Variants in BCAS3 observed in about 807,000 individuals in gnomAD.
BCAS3 encodes BCAS4/BCAS3 fusion.
Under a neutral mutation model 116.1 loss-of-function variants are expected in BCAS3, and 53 were observed. That is an observed-to-expected ratio of 0.46 (90% confidence interval 0.37 to 0.57). The LOEUF is 0.57. Ranked by LOEUF, BCAS3 falls within the 20% of genes least tolerant of loss-of-function variation. The pLI is 0.00. For missense variants in BCAS3, 917 were observed against 1,165.4 expected (o/e 0.79, Z 3.10); for synonymous variants, 391 against 408.2 (o/e 0.96, Z 0.51).
intron 22 of BCAS3, among the ~76,000 whole-genome samples, chr17:61,293,386 C>G (rs934131650): frequency 3.3e-5 from 5 of 152,140 alleles, no homozygotes; most frequent in African/African-American, 9.7e-5. Flanking sequence ...CTCCCTCACC[C>G]CAGTTTGAAA....
intron 6 of BCAS3, among the ~76,000 whole-genome samples, chr17:60,764,244 A>T (rs1425967319): frequency 6.7e-6 from 1 of 149,956 alleles, no homozygotes; most frequent in Non-Finnish European, 1.5e-5. Context: ...CTAGCTTTTG[A>T]ATGTGTTTGC....
chr17:61,155,398 A>G (rs2077774484), intron 22 of BCAS3, among the ~76,000 whole-genome samples: 1 of 152,034 alleles, frequency 6.6e-6, no homozygotes, highest in South Asian at 2.1e-4. Context: ...TTATTGTTTT[A>G]TCAACAGAAG....
At chr17:61,191,243 G>A (rs2080094015) in intron 22 of BCAS3, among the ~76,000 whole-genome samples, 1 of 152,162 alleles carries the variant, frequency 6.6e-6, no homozygotes, top group Admixed American at 6.5e-5. Context: ...TCCAACCTGG[G>A]TGCCAGAGTG....
At chr17:61,266,055 G>T (rs2049672255) in intron 22 of BCAS3, among the ~76,000 whole-genome samples, 1 of 152,124 alleles carries the variant, frequency 6.6e-6, no homozygotes, top group South Asian at 2.1e-4. Flanking sequence ...TGTGGTCAGG[G>T]TCAGTTATTC....
At chr17:60,794,399 T>G (rs1289961461) in intron 6 of BCAS3, among the ~76,000 whole-genome samples, 1 of 152,210 alleles carries the variant, frequency 6.6e-6, no homozygotes, top group African/African-American at 2.4e-5. Flanking sequence ...GCGAAAGCTC[T>G]TTAGTTTAAT....
At position 61,066,541 on chromosome 17, in the gene BCAS3, A is replaced by AT. The variant is rs531180613; in HGVS notation, c.2030-8372dup. 1.7e-3 allele frequency among the ~76,000 whole-genome samples: 260 copies of AT among 152,206 alleles called. 1 individual carries two copies. Among genetic ancestry groups the AT allele is most frequent in the African/African-American group, 5.5e-3 (227 of 41,544 alleles). ...ATAAACTTCATTTTTACAAGGTCTA[A>AT]TTTTTTTCCTGAGTATCTTAAACCA... is the stretch of plus-strand genomic sequence containing the variant. On this transcript the variant is annotated intron_variant, in intron 19 of 23. Transcript: ENST00000407086.
At chr17:60,705,512 C>CAAAAAAAAAAAAAA (rs1033436210) in intron 4 of BCAS3, among the ~76,000 whole-genome samples, 1 of 61,858 alleles carries the variant, frequency 1.6e-5, no homozygotes, top group Non-Finnish European at 3.9e-5. Context: ...AGACTTGTCT[C>CAAAAAAAAAAAAAA]AAAAAAAAAA....
At chr17:61,382,896 C>G (rs376991146) in intron 23 of BCAS3, 1 of 152,412 alleles carries the variant, frequency 6.6e-6, no homozygotes, top group Non-Finnish European at 1.5e-5. Flanking sequence ...GGCAGGAGGC[C>G]GAGGGGCAGA....
intron 5 of BCAS3, among the ~76,000 whole-genome samples, chr17:60,740,404 G>A (rs2041418939): frequency 6.6e-6 from 1 of 151,170 alleles, no homozygotes; most frequent in African/African-American, 2.4e-5. Context: ...AGGCTGAGGT[G>A]GGAGAATCAC....
In BCAS3 at chr17:61,323,885, G is replaced by A. The variant is rs1027774912; in HGVS notation, c.2426-44442G>A. Among the ~76,000 whole-genome samples the A allele has an allele frequency of 6.6e-6, 1 of 152,236 alleles. No individual in the cohort carries two copies. Among genetic ancestry groups the A allele is most frequent in the African/African-American group, 2.4e-5 (1 of 41,464 alleles). On this transcript the variant is annotated intron_variant, in intron 22 of 23. Coordinates refer to ENST00000407086, the MANE Select transcript of BCAS3 (RefSeq NM_017679.5). This position sits in a 1 kb window ranked among gnomAD's most constrained non-coding sequence, Gnocchi z 4.6. Reference sequence around the variant, plus strand: ...TGGGTTCCTTGGCTCCGTGTTTCTCGTCTTTCCCAGACGCTTCTTCCCTTC... The same window carrying A: ...TGGGTTCCTTGGCTCCGTGTTTCTCATCTTTCCCAGACGCTTCTTCCCTTC...
intron 13 of BCAS3, among the ~76,000 whole-genome samples, chr17:60,929,503 A>G (rs1047138242): frequency 6.6e-6 from 1 of 151,940 alleles, no homozygotes; most frequent in Non-Finnish European, 1.5e-5. Flanking sequence ...TAGCTTCTGA[A>G]CTTTTATTAA....
At position 60,753,998 on chromosome 17, in the gene BCAS3, G is replaced by A. The variant is rs143355703; in HGVS notation, c.403+6719G>A. Among the ~76,000 whole-genome samples, 340 of 152,096 alleles carry A rather than the reference G, an allele frequency of 2.2e-3. 6 individuals are homozygous for A. The highest frequency in any genetic ancestry group is 0.017 in the East Asian group (86 of 5,170). ...AGAATGCTACTTTGTATAAAGTGTT[G>A]TTTATAAATTATCAGTGATCAAATG... On this transcript the variant is annotated intron_variant, in intron 6 of 23. Coordinates refer to ENST00000407086, the MANE Select transcript of BCAS3 (RefSeq NM_017679.5).
intron 22 of BCAS3, among the ~76,000 whole-genome samples, chr17:61,169,183 G>A (rs1227873722): frequency 6.6e-6 from 1 of 152,152 alleles, no homozygotes; most frequent in Non-Finnish European, 1.5e-5. Flanking sequence ...TCATTCTTAT[G>A]TTCAGACAAT....
chr17:60,989,935 G>T, intron 14 of BCAS3, 36 bp from the exon 15 acceptor site: 1 of 1,597,696 alleles, frequency 6.3e-7, no homozygotes, highest in South Asian at 1.1e-5. Flanking sequence ...CAAGTAGTTT[G>T]AGACATTTTT....
chr17:61,110,383 C>T (rs995966967), intron 22 of BCAS3, among the ~76,000 whole-genome samples: 4 of 152,192 alleles, frequency 2.6e-5, no homozygotes, highest in Admixed American at 6.5e-5. Flanking sequence ...TCAGTGGGTG[C>T]GCGCACCGTG....
rs1175920940 is a variant in BCAS3 at position 61,056,157 on chromosome 17, C to T, written c.2029+15265C>T. Among the ~76,000 whole-genome samples, 1 of 152,178 alleles carries T rather than the reference C, an allele frequency of 6.6e-6. No homozygotes were observed. Among genetic ancestry groups the T allele is most frequent in the Admixed American group, 6.5e-5 (1 of 15,278 alleles). ...GCGTATGTACTTGTTCTGTCTCCAG[C>T]TCCAAGTGTATAGACAGACTTGGGA... On this transcript the variant is annotated intron_variant, in intron 19 of 23. Transcript: ENST00000407086. The surrounding 1 kb of genome is among the most constrained non-coding windows in gnomAD (Gnocchi z 4.9).
In BCAS3 at chr17:61,307,932, A is replaced by G. The variant is rs770069754; in HGVS notation, c.2426-60395A>G. On this transcript the variant is annotated intron_variant, in intron 22 of 23. Transcript: ENST00000407086. The surrounding 1 kb of genome is among the most constrained non-coding windows in gnomAD (Gnocchi z 4.7). ...ACCCCAAACAGTATACACCTTGACA[A>G]TGTGGAGACTCAAGATTTTCCAAGC... 1.3e-4 allele frequency among the ~76,000 whole-genome samples: 20 copies of G among 152,240 alleles called. No homozygotes were observed. The highest frequency in any genetic ancestry group is 2.2e-4 in the Non-Finnish European group (15 of 68,040).
chr17:60,874,806 A>G lies in BCAS3; in HGVS notation c.661+68A>G, dbSNP rs865909782. The G allele has an allele frequency of 3.1e-5, 29 of 947,502 alleles. No individual in the cohort carries two copies. The Middle Eastern group carries it at 1.3e-3, about 44-fold the overall frequency. 58.7% of individuals were successfully genotyped at this position (947,502 alleles called of 1,614,324 possible). On this transcript the variant is annotated intron_variant, in intron 9 of 23. Transcript: ENST00000407086. ...TACTACTTACTTGACACAATCAGCA[A>G]ACTAACTGTAATTTTCTCAACAGTA... is the stretch of plus-strand genomic sequence containing the variant.
At chr17:60,823,756 A>G (rs2050153502) in intron 7 of BCAS3, among the ~76,000 whole-genome samples, 1 of 152,196 alleles carries the variant, frequency 6.6e-6, no homozygotes, top group Non-Finnish European at 1.5e-5. Flanking sequence ...CTACATGGAG[A>G]ATGAAAGCCA....
Sources: allele counts gnomAD v4.1 joint callset (sites outside exome capture counted in the v4.1 genomes callset), GRCh38; gene constraint gnomAD v4.1.1; non-coding constraint Gnocchi (gnomAD v3.1); transcripts MANE v1.5; gene names NCBI Gene and HGNC (gene_info 2026-07-23, HGNC 2026-07-21).